GALNT10: variants seen among roughly 807,000 people sequenced by gnomAD.
GALNT10 encodes the protein polypeptide N-acetylgalactosaminyltransferase 10.
A neutral mutation model predicts 75.0 loss-of-function variants in GALNT10; 41 were observed. The ratio of observed to expected loss-of-function variants is 0.55; its 90% confidence interval spans 0.43 to 0.71. GALNT10 has a LOEUF of 0.71. GALNT10 is among the 30% of genes least tolerant of loss of function. The probability of loss-of-function intolerance (pLI) is 0.00; values close to 1 mark genes in which losing one functional copy is unlikely to be tolerated. For missense variants in GALNT10, 727 were observed against 818.5 expected, an observed-to-expected ratio of 0.89 and a Z score of 1.36; for synonymous variants, 302 against 313.0, an observed-to-expected ratio of 0.96 and a Z score of 0.37.
chr5:154,390,499 A>C (rs10073540), intron 7 of GALNT10, among the ~76,000 whole-genome samples: 74,486 of 152,138 alleles, frequency 0.49, 18,570 homozygotes, highest in East Asian at 0.64. Flanking sequence ...ACCTTTCTAA[A>C]AGCCTCCTCC....
At position 154,409,543 on chromosome 5, in the gene GALNT10, C is replaced by T; in HGVS notation, c.1167C>T (p.Asn389=). 2 of 1,609,908 alleles carry T rather than the reference C, an allele frequency of 1.2e-6. No individual in the cohort carries two copies. The highest frequency in any genetic ancestry group is 1.1e-5 in the South Asian group (1 of 90,986). Residue 389 remains asparagine, a splice_region_variant and synonymous_variant, in exon 9 of 12, where the codon AAC becomes AAT. Coordinates refer to ENST00000297107, the MANE Select transcript of GALNT10 (RefSeq NM_198321.4). The surrounding 1 kb of genome is among the most constrained non-coding windows in gnomAD (Gnocchi z 4.5). ...CTCCATTGCTTCTTGCCCCATAGAA[C>T]CTTAAGCGGGTGGCCGAAGTGTGGA... ...KVPAGVSLAR[N]LKRVAEVWMD...
chr5:154,348,088 A>G (rs1414725661), intron 4 of GALNT10, among the ~76,000 whole-genome samples: 1 of 152,196 alleles, frequency 6.6e-6, no homozygotes, highest in African/African-American at 2.4e-5. Context: ...ATGTACATTT[A>G]TTTATCAGTG....
chr5:154,290,283 T>C (rs978277715), intron 1 of GALNT10, among the ~76,000 whole-genome samples: 48 of 139,566 alleles, frequency 3.4e-4, no homozygotes, highest in African/African-American at 1.3e-3. Flanking sequence ...TTTTTTTTTT[T>C]GTATTTTTAG....
chr5:154,190,926 C>T lies in GALNT10; in HGVS notation c.60C>T (p.Val20=). 1 of 1,501,904 alleles carries T rather than the reference C, an allele frequency of 6.7e-7. No individual in the cohort carries two copies. The highest frequency in any genetic ancestry group is 8.9e-7 in the Non-Finnish European group (1 of 1,127,076). 93.0% of individuals were successfully genotyped at this position (1,501,904 alleles called of 1,614,324 possible). ...TGGCGCTGGTGCTGGCGGCCCTGGTCCTCCTGCCCAACGTGGGGCTTTGGG... is the reference window on the plus strand; with the variant it reads ...TGGCGCTGGTGCTGGCGGCCCTGGTTCTCCTGCCCAACGTGGGGCTTTGGG... ...QAVALVLAAL[V]LLPNVGLWAL... The change falls in exon 1 of 12, where the codon GTC becomes GTT. Residue 20 remains valine, a synonymous_variant. Coordinates refer to ENST00000297107, the MANE Select transcript of GALNT10 (RefSeq NM_198321.4).
chr5:154,276,020 A>G (rs1000887099), intron 1 of GALNT10, among the ~76,000 whole-genome samples: 2 of 152,246 alleles, frequency 1.3e-5, no homozygotes, highest in African/African-American at 4.8e-5. Flanking sequence ...ATTGAGAAGT[A>G]TATCATGTTC....
At chr5:154,241,790 G>A (rs774530940) in intron 1 of GALNT10, among the ~76,000 whole-genome samples, 8 of 152,066 alleles carry the variant, frequency 5.3e-5, no homozygotes, top group Non-Finnish European at 1.2e-4. Context: ...TATACACAAC[G>A]CACACTGAGC....
intron 1 of GALNT10, among the ~76,000 whole-genome samples, chr5:154,200,248 G>T (rs187607100): frequency 4.6e-5 from 7 of 152,184 alleles, no homozygotes; most frequent in Non-Finnish European, 1.0e-4. Flanking sequence ...CCCATGTGCC[G>T]CCTGGATGCT....
rs1756532074 is a variant in GALNT10, at chr5:154,417,168, A to G, written c.*196A>G. ...CCTGAGTTGTGGGGGTAGGGTGAAG[A>G]GCATATCCCACAAGAGGCCCCACAG... is the stretch of plus-strand genomic sequence containing the variant. On this transcript the variant is annotated 3_prime_UTR_variant, in exon 12 of 12. Coordinates refer to ENST00000297107, the MANE Select transcript of GALNT10 (RefSeq NM_198321.4). 2 of 585,648 alleles carry G rather than the reference A, an allele frequency of 3.4e-6. No homozygotes were observed. The allele number at this position is 585,648 out of a possible 1,614,324, so 36.3% of individuals were successfully genotyped here. A position where few individuals can be genotyped will look rare whatever the true frequency, so the allele number is the denominator to read the frequency against.
At chr5:154,340,628 T>C (rs1301835871) in intron 4 of GALNT10, among the ~76,000 whole-genome samples, 1 of 152,214 alleles carries the variant, frequency 6.6e-6, no homozygotes, top group Non-Finnish European at 1.5e-5. Flanking sequence ...GCATTAGTTC[T>C]AAGCTACTGC....
At chr5:154,227,104 A>T (rs1413225187) in intron 1 of GALNT10, among the ~76,000 whole-genome samples, 1 of 148,526 alleles carries the variant, frequency 6.7e-6, no homozygotes, top group Non-Finnish European at 1.5e-5. Flanking sequence ...GTTGATGGAC[A>T]TGTGGGTTGT....
intron 1 of GALNT10, among the ~76,000 whole-genome samples, chr5:154,214,270 G>A (rs1458319834): frequency 6.6e-6 from 1 of 151,746 alleles, no homozygotes; most frequent in Non-Finnish European, 1.5e-5. Context: ...AAAACCAGGT[G>A]GTTCTCCTAT....
intron 1 of GALNT10, among the ~76,000 whole-genome samples, chr5:154,206,938 G>A (rs1271217272): frequency 6.6e-6 from 1 of 152,230 alleles, no homozygotes; most frequent in Non-Finnish European, 1.5e-5. Flanking sequence ...CTATTGGGGT[G>A]GAGAGATTCA....
chr5:154,415,541 G>A (rs1019716245), intron 10 of GALNT10, among the ~76,000 whole-genome samples: 15 of 152,082 alleles, frequency 9.9e-5, no homozygotes, highest in African/African-American at 2.7e-4. Flanking sequence ...GTTTCACCAC[G>A]TTAGCCAGCC....
intron 5 of GALNT10, among the ~76,000 whole-genome samples, chr5:154,379,129 A>G (rs560069609): frequency 6.6e-6 from 1 of 152,292 alleles, no homozygotes; most frequent in East Asian, 1.9e-4. Flanking sequence ...CAAAAACAGT[A>G]TTTCTCAAAC....
At chr5:154,280,282 G>A (rs937665161) in intron 1 of GALNT10, among the ~76,000 whole-genome samples, 6 of 152,162 alleles carry the variant, frequency 3.9e-5, no homozygotes, top group African/African-American at 1.2e-4. Context: ...GAGATAGGAA[G>A]AGGTAGGTTA....
chr5:154,256,411 A>G (rs1365195964), intron 1 of GALNT10, among the ~76,000 whole-genome samples: 1 of 150,484 alleles, frequency 6.6e-6, no homozygotes, highest in Non-Finnish European at 1.5e-5. Context: ...TTAGACCTGC[A>G]GTTTGAGACT....
At chr5:154,252,983 G>T (rs879674915) in intron 1 of GALNT10, among the ~76,000 whole-genome samples, 8 of 121,260 alleles carry the variant, frequency 6.6e-5, no homozygotes, top group African/African-American at 9.1e-5. Flanking sequence ...TGTTTGTTTG[G>T]TTGGTTGGTT....
chr5:154,223,390 T>A (rs902250508), intron 1 of GALNT10, among the ~76,000 whole-genome samples: 1 of 152,208 alleles, frequency 6.6e-6, no homozygotes, highest in African/African-American at 2.4e-5. Flanking sequence ...TCAATCCCAA[T>A]ACTGTCTGAC....
intron 1 of GALNT10, among the ~76,000 whole-genome samples, chr5:154,282,990 G>A (rs1273858585): frequency 6.6e-6 from 1 of 152,176 alleles, no homozygotes; most frequent in Non-Finnish European, 1.5e-5. Flanking sequence ...TCTAGCCAGA[G>A]GGGTTAGGGA....
Sources: gnomAD v4.1 joint callset for allele counts (sites outside exome capture counted in the v4.1 genomes callset) on GRCh38, gnomAD v4.1.1 for gene constraint, Gnocchi (gnomAD v3.1) non-coding constraint, MANE v1.5 for transcripts, NCBI Gene and HGNC (gene_info 2026-07-23, HGNC 2026-07-21) for gene names.